Variants in DOCK3 observed in about 807,000 individuals in gnomAD.
DOCK3 encodes dedicator of cytokinesis protein 3.
In DOCK3, 60 loss-of-function variants were observed where a neutral mutation model predicts 265.6. The ratio of observed to expected loss-of-function variants is 0.23; its 90% CI spans 0.18 to 0.28. The LOEUF is 0.28. Ranked by LOEUF, DOCK3 falls within the 10% of genes least tolerant of loss-of-function variation. The pLI is 1.00. For synonymous variants in DOCK3, 881 were observed against 938.0 expected, an observed-to-expected ratio of 0.94 and a Z score of 1.11; for missense variants, 1,981 against 2,594.3, an observed-to-expected ratio of 0.76 and a Z score of 5.14.
intron 1 of DOCK3, among the ~76,000 whole-genome samples, chr3:50,776,158 C>T (rs1415306400): frequency 6.6e-6 from 1 of 152,210 alleles, no homozygotes; most frequent in East Asian, 1.9e-4. Flanking sequence ...TTTAAGGAAT[C>T]TCCATACTGT....
At chr3:51,057,699 G>A (rs2081257132) in intron 5 of DOCK3, among the ~76,000 whole-genome samples, 2 of 152,178 alleles carry the variant, frequency 1.3e-5, no homozygotes, top group Non-Finnish European at 2.9e-5. Flanking sequence ...AGAACACAGT[G>A]CGGTGTCGGA....
In DOCK3 at chr3:51,132,359, T is replaced by C. The variant is rs555827438; in HGVS notation, c.747-14190T>C. On this transcript the variant is annotated intron_variant, in intron 9 of 52. Transcript: ENST00000266037. ...TTTTCAAGTGTAGCACACCTCCTTA[T>C]GAGTCACACTCTCAACCTCACCTCT... Among the ~76,000 whole-genome samples the C allele has an allele frequency of 2.0e-5, 3 of 152,314 alleles. 1 individual carries two copies. In the South Asian group the frequency reaches 6.2e-4, roughly 32 times the overall value.
At chr3:51,266,162 C>T (rs750091308) in intron 23 of DOCK3, among the ~76,000 whole-genome samples, 1 of 152,128 alleles carries the variant, frequency 6.6e-6, no homozygotes, top group African/African-American at 2.4e-5. Context: ...CAAACCACTG[C>T]TCAAGGAAAT....
chr3:51,077,296 G>A (rs1248028754), intron 7 of DOCK3, among the ~76,000 whole-genome samples: 1 of 152,144 alleles, frequency 6.6e-6, no homozygotes, highest in African/African-American at 2.4e-5. Context: ...AAAGATTTTG[G>A]ATTTTATTCT....
intron 32 of DOCK3, among the ~76,000 whole-genome samples, chr3:51,326,324 G>C (rs1365411710): frequency 6.6e-6 from 1 of 151,022 alleles, no homozygotes; most frequent in Admixed American, 6.6e-5. Context: ...GCAGCAGCAT[G>C]ATCTCGGCTC....
chr3:51,231,860 G>A (rs1464822551), intron 19 of DOCK3, among the ~76,000 whole-genome samples: 1 of 152,048 alleles, frequency 6.6e-6, no homozygotes, highest in Non-Finnish European at 1.5e-5. Context: ...GTGTTTCCTA[G>A]GTTTTCTTCT....
chr3:50,849,575 T>C (rs1391195320), intron 3 of DOCK3, among the ~76,000 whole-genome samples: 1 of 152,052 alleles, frequency 6.6e-6, no homozygotes, highest in Non-Finnish European at 1.5e-5. Flanking sequence ...CACCTCAACG[T>C]CCTGAGTAGC....
intron 26 of DOCK3, chr3:51,278,466 A>C (rs2080935189): frequency 2.0e-6 from 2 of 985,390 alleles, no homozygotes; most frequent in Admixed American, 1.2e-4. Flanking sequence ...TCTCTGAAGA[A>C]AACCCTCTGG....
rs1446942769 is a variant in DOCK3, at chr3:50,675,572, G to GCC, written c.37+274_37+275dup. Among the ~76,000 whole-genome samples, 1 of 152,186 alleles carries GCC rather than the reference G, an allele frequency of 6.6e-6. No individual in the cohort carries two copies. Among genetic ancestry groups the GCC allele is most frequent in the Non-Finnish European group, 1.5e-5 (1 of 68,012 alleles). ...AGGGGTGGGCAAGGCCCGGGCAGTT[G>GCC]CCCGAGGTTTCTGGTGTGGGCCACG... On this transcript the variant is annotated intron_variant, in intron 1 of 52. Coordinates refer to ENST00000266037, the MANE Select transcript of DOCK3 (RefSeq NM_004947.5). The surrounding 1 kb of genome is among the most constrained non-coding windows in gnomAD (Gnocchi z 6.1).
chr3:51,108,308 G>T (rs377416653), intron 9 of DOCK3, among the ~76,000 whole-genome samples: 17 of 152,060 alleles, frequency 1.1e-4, no homozygotes, highest in Admixed American at 4.6e-4. Flanking sequence ...TAAGCAAAGG[G>T]GAAAGAAGAT....
At chr3:50,786,732 C>G (rs2042202639) in intron 2 of DOCK3, 6 of 721,030 alleles carry the variant, frequency 8.3e-6, no homozygotes, top group South Asian at 8.2e-5. Flanking sequence ...TTCATGTGTT[C>G]ATGAAAATAC....
chr3:51,036,730 A>C (rs1029157916), intron 5 of DOCK3, among the ~76,000 whole-genome samples: 3 of 151,836 alleles, frequency 2.0e-5, no homozygotes, highest in Admixed American at 2.0e-4. Context: ...CTGTGTTCCC[A>C]TGCAAATCTC....
chr3:51,019,967 T>G (rs182125024), intron 5 of DOCK3, among the ~76,000 whole-genome samples: 1 of 151,932 alleles, frequency 6.6e-6, no homozygotes. Context: ...TATAATAGAA[T>G]GATTTCTGTT....
intron 32 of DOCK3, among the ~76,000 whole-genome samples, chr3:51,316,281 A>T (rs374660392): frequency 6.6e-6 from 1 of 152,222 alleles, no homozygotes; most frequent in Non-Finnish European, 1.5e-5. Context: ...TTCACTTAGC[A>T]TAATGCTTTG....
intron 22 of DOCK3, among the ~76,000 whole-genome samples, chr3:51,252,737 G>A (rs2079321878): frequency 6.6e-6 from 1 of 152,192 alleles, no homozygotes; most frequent in South Asian, 2.1e-4. Flanking sequence ...TGCTGAAGTT[G>A]CTTATCAGCT....
chr3:51,144,592 T>C (rs2085212061), intron 9 of DOCK3, among the ~76,000 whole-genome samples: 1 of 152,240 alleles, frequency 6.6e-6, no homozygotes, highest in Non-Finnish European at 1.5e-5. Context: ...TCTTTGTTCT[T>C]TGCATGTTCC....
At chr3:51,327,290 C>G (rs2084192016) in intron 32 of DOCK3, among the ~76,000 whole-genome samples, 1 of 152,078 alleles carries the variant, frequency 6.6e-6, no homozygotes, top group Non-Finnish European at 1.5e-5. Flanking sequence ...TGAGTGCTTC[C>G]CAAGATCCAG....
chr3:51,196,535 A>G (rs1301547905), intron 12 of DOCK3, among the ~76,000 whole-genome samples: 2 of 152,100 alleles, frequency 1.3e-5, no homozygotes, highest in Non-Finnish European at 2.9e-5. Flanking sequence ...GGATATTGAT[A>G]ATTTTAATAT....
intron 3 of DOCK3, among the ~76,000 whole-genome samples, chr3:50,885,285 A>C (rs760596145): frequency 6.6e-6 from 1 of 150,950 alleles, no homozygotes; most frequent in Non-Finnish European, 1.5e-5. Flanking sequence ...TTGCTTATCC[A>C]TTCACCTGTT....
Sources: gnomAD v4.1 joint callset for allele counts (sites outside exome capture counted in the v4.1 genomes callset) on GRCh38, gnomAD v4.1.1 for gene constraint, Gnocchi (gnomAD v3.1) non-coding constraint, MANE v1.5 for transcripts, NCBI Gene and HGNC (gene_info 2026-07-23, HGNC 2026-07-21) for gene names.